PCNX2: variants seen among roughly 807,000 people sequenced by gnomAD.
PCNX2 encodes pecanex 2.
A neutral mutation model predicts 223.8 loss-of-function variants in PCNX2; 168 were observed. The observed-to-expected ratio is 0.75, with a 90% confidence interval of 0.66 to 0.85. The LOEUF (loss-of-function observed/expected upper bound fraction) is 0.85, where lower values mean the gene tolerates loss of function less well. PCNX2 is among the 40% of genes least tolerant of loss of function. The pLI is 0.00. For synonymous variants in PCNX2, 1,006 were observed against 1,052.6 expected (o/e 0.96, Z 0.86); for missense variants, 2,507 against 2,675.5 (o/e 0.94, Z 1.39).
the PCNX2 span, among the ~76,000 whole-genome samples, chr1:233,322,466 C>T: frequency 6.6e-6 from 1 of 152,122 alleles, no homozygotes; most frequent in Non-Finnish European, 1.5e-5. Flanking sequence ...CAGTTTCCTG[C>T]TCAGAGGTAC....
chr1:233,014,903 G>A, intron 27 of PCNX2, 126 bp from the exon 28 acceptor site: 1 of 571,740 alleles, frequency 1.7e-6, no homozygotes, highest in Non-Finnish European at 3.1e-6. Flanking sequence ...CCTCTAAGAT[G>A]ACCCCACAGA....
At chr1:233,286,232 C>T (rs1661437769) in intron 1 of PCNX2, among the ~76,000 whole-genome samples, 1 of 151,914 alleles carries the variant, frequency 6.6e-6, no homozygotes, top group Non-Finnish European at 1.5e-5. Flanking sequence ...AGAAGCGCTT[C>T]AGTGGGACCA....
chr1:233,224,334 T>C (rs1486037220), intron 10 of PCNX2, among the ~76,000 whole-genome samples: 1 of 152,198 alleles, frequency 6.6e-6, no homozygotes, highest in Non-Finnish European at 1.5e-5. Context: ...GGTGGAGAAC[T>C]GCAGGCAAAT....
rs182733822 is a variant in PCNX2 at position 233,009,871 on chromosome 1, C to T, written c.4952+4794G>A. 1.2e-4 allele frequency among the ~76,000 whole-genome samples: 18 copies of T among 152,304 alleles called. No homozygotes were observed. In the East Asian group the frequency reaches 2.3e-3, roughly 20 times the overall value. Reference sequence around the variant, plus strand: ...GCTGGAACCTGGAGGAGAGCCCATACGCCAGGCCCAGGTGGGAGGGGCTTT... The same window carrying T: ...GCTGGAACCTGGAGGAGAGCCCATATGCCAGGCCCAGGTGGGAGGGGCTTT... On this transcript the variant is annotated intron_variant, in intron 28 of 33. Transcript: ENST00000258229.
intron 13 of PCNX2, chr1:233,201,591 G>A (rs1277427217): frequency 1.3e-5 from 2 of 152,186 alleles, no homozygotes; most frequent in African/African-American, 4.8e-5. Flanking sequence ...TAACAATTTT[G>A]TGCTATGCTA....
At chr1:233,150,768 G>A (rs1042904879) in intron 19 of PCNX2, among the ~76,000 whole-genome samples, 8 of 151,308 alleles carry the variant, frequency 5.3e-5, no homozygotes, top group African/African-American at 1.7e-4. Context: ...CATTAGTTCA[G>A]TGGGAATAAA....
chr1:233,090,719 C>A (rs1396648717), intron 22 of PCNX2, among the ~76,000 whole-genome samples: 3 of 152,160 alleles, frequency 2.0e-5, no homozygotes, highest in Non-Finnish European at 4.4e-5. Flanking sequence ...TTGAACACCA[C>A]TGGTTCAATT....
At chr1:233,322,053 T>G in the PCNX2 span, among the ~76,000 whole-genome samples, 13,906 of 152,188 alleles carry the variant, frequency 0.091, 691 homozygotes, top group South Asian at 0.12. Context: ...AAGGTGGTTC[T>G]TAAGGGTTGA....
chr1:233,172,259 C>T (rs746588674), intron 17 of PCNX2: 18 of 749,582 alleles, frequency 2.4e-5, no homozygotes, highest in Non-Finnish European at 2.9e-5. Flanking sequence ...TGCATTTTCC[C>T]TAAAAAAACT....
At chr1:233,313,292 C>A in the PCNX2 span, among the ~76,000 whole-genome samples, 1 of 151,968 alleles carries the variant, frequency 6.6e-6, no homozygotes, top group Non-Finnish European at 1.5e-5. Context: ...AATAAATAAG[C>A]AAAGAAGAAT....
intron 19 of PCNX2, among the ~76,000 whole-genome samples, chr1:233,141,943 G>C (rs921324129): frequency 6.6e-6 from 1 of 151,972 alleles, no homozygotes. Flanking sequence ...CCAACAATGA[G>C]CTTAATAAAT....
In PCNX2 at chr1:233,000,353, G is replaced by A. The variant is rs148790998; in HGVS notation, c.5280C>T (p.Tyr1760=). ...AGCTTCTGTGGAGCATGATGACCTTGTACTCGTCGGCACCCTCGTCCACCA... is the reference window on the plus strand; with the variant it reads ...AGCTTCTGTGGAGCATGATGACCTTATACTCGTCGGCACCCTCGTCCACCA... ...RHVVDEGADE[Y]KVIMLHRSFL... is the part of the protein sequence containing the mutation. Residue 1760 remains tyrosine, a synonymous_variant, in exon 30 of 34, where the codon TAC becomes TAT. Transcript: ENST00000258229. This position sits in a 1 kb window ranked among gnomAD's most constrained non-coding sequence, Gnocchi z 4.6. The A allele has an allele frequency of 4.8e-4, 781 of 1,613,836 alleles. 16 individuals carry two copies. The East Asian group carries it at 0.017, about 35-fold the overall frequency.
chr1:233,306,695 A>G, the PCNX2 span, among the ~76,000 whole-genome samples: 1 of 152,244 alleles, frequency 6.6e-6, no homozygotes, highest in African/African-American at 2.4e-5. Flanking sequence ...GCTTGAAGGT[A>G]TCTGACCACC....
intron 25 of PCNX2, chr1:233,047,221 C>T (rs1028652187): frequency 3.3e-6 from 1 of 300,456 alleles, no homozygotes; most frequent in Non-Finnish European, 4.9e-6. Context: ...TACAGCATTG[C>T]TATCCTAAAC....
intron 22 of PCNX2, 78 bp from the exon 23 acceptor site, chr1:233,090,268 T>C: frequency 6.6e-7 from 1 of 1,505,318 alleles, no homozygotes; most frequent in Non-Finnish European, 9.0e-7. Flanking sequence ...TTTTGATGAG[T>C]TTTCACTAAA....
chr1:233,194,877 C>T (rs977924127), intron 15 of PCNX2, among the ~76,000 whole-genome samples: 3 of 151,710 alleles, frequency 2.0e-5, no homozygotes, highest in South Asian at 2.1e-4. Context: ...ATTAACTGGG[C>T]GTGGTGGTGG....
chr1:233,015,373 C>CA, intron 27 of PCNX2, among the ~76,000 whole-genome samples: 1 of 152,264 alleles, frequency 6.6e-6, no homozygotes, highest in Non-Finnish European at 1.5e-5. Context: ...GGCAACATAG[C>CA]AAAACCCCAT....
chr1:232,993,028 C>A (rs1669755527), intron 32 of PCNX2, among the ~76,000 whole-genome samples: 1 of 152,056 alleles, frequency 6.6e-6, no homozygotes, highest in African/African-American at 2.4e-5. Context: ...TGAAAATGGA[C>A]TAATATGGAG....
At position 233,057,309 on chromosome 1, in the gene PCNX2, G is replaced by A. The variant is rs776945298; in HGVS notation, c.4077-19C>T. The A allele has an allele frequency of 1.3e-6, 2 of 1,593,320 alleles. No homozygotes were observed. Among genetic ancestry groups the A allele is most frequent in the Non-Finnish European group, 1.7e-6 (2 of 1,164,078 alleles). ...CCTTGTACTAGAAGAGGCCACAAAAGGGTAAAAGGTCATGATTAGATCCCC... is the reference window on the plus strand; with the variant it reads ...CCTTGTACTAGAAGAGGCCACAAAAAGGTAAAAGGTCATGATTAGATCCCC... On this transcript the variant is annotated intron_variant, in intron 23 of 33. Transcript: ENST00000258229.
Sources: gnomAD v4.1 joint callset for allele counts (sites outside exome capture counted in the v4.1 genomes callset) on GRCh38, gnomAD v4.1.1 for gene constraint, Gnocchi (gnomAD v3.1) non-coding constraint, MANE v1.5 for transcripts, NCBI Gene and HGNC (gene_info 2026-07-23, HGNC 2026-07-21) for gene names.